Variants in AFTPH observed in about 807,000 individuals in gnomAD.
The protein encoded by AFTPH is aftiphilin, also known as aftiphilin protein.
A neutral mutation model predicts 72.5 loss-of-function variants in AFTPH; 7 were observed. The observed-to-expected ratio is 0.10, with a 90% CI of 0.05 to 0.18. AFTPH has a LOEUF of 0.18. Ranked by LOEUF, AFTPH falls within the 10% of genes least tolerant of loss-of-function variation. AFTPH has a pLI of 1.00. For missense variants in AFTPH, 979 were observed against 1,060.5 expected (o/e 0.92, Z 1.07); for synonymous variants, 337 against 370.1 (o/e 0.91, Z 1.03).
intron 2 of AFTPH, among the ~76,000 whole-genome samples, chr2:64,558,173 T>C (rs1671503756): frequency 6.6e-6 from 1 of 152,210 alleles, no homozygotes; most frequent in African/African-American, 2.4e-5. Context: ...TTAAAACTAT[T>C]GATATTAATC....
intron 2 of AFTPH, among the ~76,000 whole-genome samples, chr2:64,557,437 G>A (rs1271610240): frequency 2.0e-5 from 3 of 152,196 alleles, no homozygotes; most frequent in East Asian, 1.9e-4. Flanking sequence ...CCAAAAAGAA[G>A]AGAATTACTA....
intron 2 of AFTPH, among the ~76,000 whole-genome samples, chr2:64,558,102 C>G (rs945300303): frequency 4.5e-4 from 69 of 152,098 alleles, no homozygotes; most frequent in African/African-American, 1.6e-3. Context: ...TTAAATTACC[C>G]AGTGGATTTT....
At chr2:64,571,386 A>C (rs1449818266) in intron 5 of AFTPH, among the ~76,000 whole-genome samples, 1 of 152,234 alleles carries the variant, frequency 6.6e-6, no homozygotes, top group East Asian at 1.9e-4. Flanking sequence ...CACTGCTTAA[A>C]GTGATCGTTC....
At chr2:64,567,082 A>G (rs770775320) in intron 2 of AFTPH, among the ~76,000 whole-genome samples, 1 of 152,230 alleles carries the variant, frequency 6.6e-6, no homozygotes, top group South Asian at 2.1e-4. Flanking sequence ...TTGTTTAGCT[A>G]TAATAGCATA....
chr2:64,567,612 C>T (rs1672164179), exon 3 of AFTPH: 1 of 1,613,574 alleles, frequency 6.2e-7, no homozygotes, highest in South Asian at 1.1e-5. Context: ...GTTTTCCTTC[C>T]ATACTTGTCC....
intron 1 of AFTPH, among the ~76,000 whole-genome samples, chr2:64,540,782 T>C (rs1670203415): frequency 6.6e-6 from 1 of 152,138 alleles, no homozygotes; most frequent in South Asian, 2.1e-4. Context: ...TTGCTGCTCA[T>C]TTTCATTGTT....
exon 4 of AFTPH, chr2:64,569,211 G>T: frequency 6.2e-7 from 1 of 1,612,016 alleles, no homozygotes; most frequent in Non-Finnish European, 8.5e-7. Context: ...ATAGACACCC[G>T]AAACATTGTG....
chr2:64,560,954 A>G (rs1017599655), intron 2 of AFTPH, among the ~76,000 whole-genome samples: 4 of 152,236 alleles, frequency 2.6e-5, no homozygotes, highest in African/African-American at 9.6e-5. Flanking sequence ...TCTTGTTAGT[A>G]TACTCAACCT....
chr2:64,539,127 T>G (rs1188362522), intron 1 of AFTPH, among the ~76,000 whole-genome samples: 1 of 152,190 alleles, frequency 6.6e-6, no homozygotes, highest in Admixed American at 6.5e-5. Context: ...GAAACTTACT[T>G]TAAAGCATGT....
chr2:64,547,824 C>A (rs542387039), intron 1 of AFTPH, among the ~76,000 whole-genome samples: 1 of 151,970 alleles, frequency 6.6e-6, no homozygotes, highest in African/African-American at 2.4e-5. Flanking sequence ...ACTCTGTCAC[C>A]CAGGCTGGAG....
chr2:64,537,544 C>T (rs959520665), intron 1 of AFTPH, among the ~76,000 whole-genome samples: 2 of 152,098 alleles, frequency 1.3e-5, no homozygotes, highest in African/African-American at 4.8e-5. Context: ...TTTTAGAGAA[C>T]TTTTACATTG....
At chr2:64,524,408 G>A (rs368761344) in exon 1 of AFTPH, 1 of 405,188 alleles carries the variant, frequency 2.5e-6, no homozygotes, top group Non-Finnish European at 4.3e-6. Flanking sequence ...CGGCGGAAGA[G>A]GGCGGAGGGT....
At chr2:64,590,346 A>G (rs1227306194) in intron 8 of AFTPH, among the ~76,000 whole-genome samples, 2 of 152,196 alleles carry the variant, frequency 1.3e-5, no homozygotes, top group Admixed American at 6.5e-5. Context: ...ATTGGAAATT[A>G]TATCTAAAGG....
At chr2:64,524,433 C>G (rs902857174) in exon 1 of AFTPH, 10 of 403,402 alleles carry the variant, frequency 2.5e-5, no homozygotes, top group Non-Finnish European at 2.6e-5. Flanking sequence ...GGATGGGGGT[C>G]CCGCGGCAGC....
rs761627740 is a variant in AFTPH at position 64,553,166 on chromosome 2, T to A, written c.1692T>A (p.Ala564=). 4.4e-5 allele frequency: 71 copies of A among 1,614,112 alleles called. No individual in the cohort carries two copies. In the East Asian group the frequency reaches 1.6e-3, roughly 35 times the overall value. The change falls in exon 2 of 9, where the codon GCT becomes GCA. Residue 564 remains alanine (A), a synonymous_variant. Transcript: ENST00000238856. ...ATGATTTTGCAGACTTCAGTTCAGC[T>A]GGTCCTAGCCAAGTTGTAGATTGGA... is the stretch of plus-strand genomic sequence containing the variant.
chr2:64,576,602 C>A (rs972216998), intron 6 of AFTPH, among the ~76,000 whole-genome samples: 1 of 152,174 alleles, frequency 6.6e-6, no homozygotes. Flanking sequence ...CAATACTTTA[C>A]ACTTTATTCA....
At chr2:64,544,424 C>T (rs966990324) in intron 1 of AFTPH, among the ~76,000 whole-genome samples, 1 of 152,206 alleles carries the variant, frequency 6.6e-6, no homozygotes, top group Non-Finnish European at 1.5e-5. Flanking sequence ...TGCATGCACA[C>T]ACACACATGC....
At chr2:64,541,991 CT>C in intron 1 of AFTPH, among the ~76,000 whole-genome samples, 1 of 151,872 alleles carries the variant, frequency 6.6e-6, no homozygotes, top group South Asian at 2.1e-4. Context: ...TCTACAATAT[CT>C]TTTCCTTCAC....
intron 6 of AFTPH, among the ~76,000 whole-genome samples, chr2:64,575,703 ATGTGTGTGTG>A (rs149890368): frequency 0.011 from 1,648 of 145,788 alleles, 23 homozygotes; most frequent in African/African-American, 0.026. Context: ...ATGTGTGTAT[ATGTGTGTGTG>A]TGTGTGTGTG....
Sources: gnomAD v4.1 joint callset for allele counts (sites outside exome capture counted in the v4.1 genomes callset) on GRCh38, gnomAD v4.1.1 for gene constraint, MANE v1.5 for transcripts, NCBI Gene and HGNC (gene_info 2026-07-23, HGNC 2026-07-21) for gene names.